The following TLL1 variants were observed in gnomAD, a reference collection of about 807,000 sequenced individuals.
TLL1 encodes tolloid like 1, also known as tolloid-like protein 1.
Under a neutral mutation model 128.2 loss-of-function variants are expected in TLL1, and 49 were observed. That is an observed-to-expected ratio of 0.38 (90% confidence interval 0.30 to 0.48). TLL1 has a LOEUF of 0.48. Among genes scored for constraint, TLL1 ranks in the 20% least tolerant of loss-of-function variants. The probability of loss-of-function intolerance (pLI) is 0.96; values close to 1 mark genes in which losing one functional copy is unlikely to be tolerated. For missense variants in TLL1, 1,123 were observed against 1,242.0 expected (o/e 0.90, Z 1.44); for synonymous variants, 454 against 418.8 (o/e 1.08, Z -1.03).
At chr4:165,934,862 C>A (rs1035650421) in intron 1 of TLL1, among the ~76,000 whole-genome samples, 2 of 152,124 alleles carry the variant, frequency 1.3e-5, no homozygotes, top group African/African-American at 4.8e-5. Context: ...CACCTGTAAG[C>A]CAATCATAGA....
chr4:166,039,869 G>A (rs1267364857), intron 10 of TLL1, among the ~76,000 whole-genome samples: 2 of 152,140 alleles, frequency 1.3e-5, no homozygotes, highest in African/African-American at 4.8e-5. Context: ...TTAGGTACAT[G>A]TTTGGTAGCT....
chr4:165,881,530 C>G (rs553327671), intron 1 of TLL1, among the ~76,000 whole-genome samples: 1 of 152,178 alleles, frequency 6.6e-6, no homozygotes, highest in Non-Finnish European at 1.5e-5. Flanking sequence ...GTTGAGAATG[C>G]CTCTTGCTTT....
rs1733698403 is a variant in TLL1 at position 165,934,966 on chromosome 4, G to A, written c.170-54415G>A. 3.3e-5 allele frequency among the ~76,000 whole-genome samples: 5 copies of A among 152,054 alleles called. No individual in the cohort carries two copies. In the South Asian group the frequency reaches 1.0e-3, roughly 32 times the overall value. The stretch of plus-strand genomic sequence containing the variant: ...CTGCTGGGGAGAGTCAGTATTTTGG[G>A]GTTTGTTATTTTGTTACAGCGAATA... On this transcript the variant is annotated intron_variant, in intron 1 of 20. Transcript: ENST00000061240.
At chr4:165,884,482 A>T (rs1156294166) in intron 1 of TLL1, among the ~76,000 whole-genome samples, 2 of 152,184 alleles carry the variant, frequency 1.3e-5, no homozygotes, top group African/African-American at 4.8e-5. Context: ...GCTTATGCAG[A>T]TATTTGGAAG....
Position 166,091,094 on chromosome 4 carries a change from T to G in TLL1, c.2443-34T>G, listed in dbSNP as rs775532454. On this transcript the variant is annotated intron_variant, in intron 18 of 20. Transcript: ENST00000061240. Reference sequence around the variant, plus strand: ...TATCTCATTTTGAGTGATTTGTTTTTTTTTAAAAAAATTATTTCTTCTTTT... The same window carrying G: ...TATCTCATTTTGAGTGATTTGTTTTGTTTTAAAAAAATTATTTCTTCTTTT... 1.0e-5 allele frequency: 16 copies of G among 1,574,260 alleles called. No individual in the cohort carries two copies. In the South Asian group the frequency reaches 1.4e-4, roughly 14 times the overall value.
chr4:165,990,238 G>A (rs925235122), intron 2 of TLL1, among the ~76,000 whole-genome samples: 1 of 151,776 alleles, frequency 6.6e-6, no homozygotes, highest in East Asian at 1.9e-4. Context: ...GGAGAAAATT[G>A]CAAGGTTAGA....
At chr4:166,076,037 G>A (rs1414576018) in intron 17 of TLL1, among the ~76,000 whole-genome samples, 33 of 152,078 alleles carry the variant, frequency 2.2e-4, no homozygotes, top group East Asian at 1.9e-4. Context: ...AATAGATTAG[G>A]AAATAGGCCC....
At chr4:166,049,643 T>A (rs1739621097) in intron 12 of TLL1, among the ~76,000 whole-genome samples, 1 of 151,382 alleles carries the variant, frequency 6.6e-6, no homozygotes, top group South Asian at 2.1e-4. Flanking sequence ...CTGTAATTAT[T>A]CATGTGTTGT....
chr4:166,039,774 T>TA (rs909543234), intron 10 of TLL1, among the ~76,000 whole-genome samples: 8 of 151,994 alleles, frequency 5.3e-5, no homozygotes, highest in East Asian at 1.9e-4. Context: ...AGTTTTTGAT[T>TA]AAAAAAAACT....
intron 1 of TLL1, among the ~76,000 whole-genome samples, chr4:165,978,119 G>T (rs560271523): frequency 6.6e-6 from 1 of 151,978 alleles, no homozygotes; most frequent in African/African-American, 2.4e-5. Context: ...AAGCCTTATT[G>T]CTTTCTGGTA....
intron 8 of TLL1, among the ~76,000 whole-genome samples, chr4:166,015,419 T>A (rs1737890821): frequency 6.6e-6 from 1 of 152,052 alleles, no homozygotes; most frequent in Non-Finnish European, 1.5e-5. Context: ...TGATAATGTT[T>A]GCAGAAAATC....
In TLL1 at chr4:166,082,164, A is replaced by G. The variant is rs151093398; in HGVS notation, c.2442+4134A>G. Among the ~76,000 whole-genome samples, 1,508 of 152,266 alleles carry G rather than the reference A, an allele frequency of 9.9e-3. 18 individuals carry two copies. The highest frequency in any genetic ancestry group is 0.054 in the Middle Eastern group (16 of 294). ...AAGCCAGGTTTTTTCAAATGCTAGCATGTGTCAGAATTACCTGGAAGGCTT... is the reference window on the plus strand; with the variant it reads ...AAGCCAGGTTTTTTCAAATGCTAGCGTGTGTCAGAATTACCTGGAAGGCTT... On this transcript the variant is annotated intron_variant, in intron 18 of 20. Coordinates refer to ENST00000061240, the MANE Select transcript of TLL1 (RefSeq NM_012464.5).
At chr4:166,093,215 A>G (rs546239555) in intron 19 of TLL1, among the ~76,000 whole-genome samples, 2 of 152,238 alleles carry the variant, frequency 1.3e-5, no homozygotes, top group Non-Finnish European at 2.9e-5. Context: ...CTGCACTGGC[A>G]CTGGTCTCTG....
At chr4:165,978,045 T>C (rs1168669633) in intron 1 of TLL1, among the ~76,000 whole-genome samples, 1 of 152,172 alleles carries the variant, frequency 6.6e-6, no homozygotes, top group Non-Finnish European at 1.5e-5. Context: ...GTTATCCTAA[T>C]TTAGGCCAGC....
At chr4:165,890,966 A>T (rs1428558153) in intron 1 of TLL1, among the ~76,000 whole-genome samples, 5 of 152,130 alleles carry the variant, frequency 3.3e-5, no homozygotes, top group African/African-American at 9.7e-5. Flanking sequence ...CATCTCTGAA[A>T]TCTAGGCAGA....
In TLL1 at chr4:165,931,490, G is replaced by A. The variant is rs553390932; in HGVS notation, c.169+57417G>A. On this transcript the variant is annotated intron_variant, in intron 1 of 20. Coordinates refer to ENST00000061240, the MANE Select transcript of TLL1 (RefSeq NM_012464.5). ...TCCCAGCACTTTGGGAGGCCAAGGC[G>A]GGCGGATCACGAGGTCAGGAGATTG... Among the ~76,000 whole-genome samples, 15 of 151,872 alleles carry A rather than the reference G, an allele frequency of 9.9e-5. 1 individual carries two copies. The highest frequency in any genetic ancestry group is 7.2e-4 in the Admixed American group (11 of 15,250).
intron 18 of TLL1, among the ~76,000 whole-genome samples, chr4:166,088,052 T>C (rs76155353): frequency 5.9e-5 from 9 of 152,118 alleles, no homozygotes; most frequent in South Asian, 2.1e-4. Flanking sequence ...CAAATACTTA[T>C]AAAGTCTTAA....
At chr4:166,093,747 C>T (rs956551076) in intron 19 of TLL1, among the ~76,000 whole-genome samples, 13 of 152,152 alleles carry the variant, frequency 8.5e-5, no homozygotes, top group African/African-American at 2.9e-4. Flanking sequence ...CTTTCCAAGG[C>T]AGAGGTCCCT....
At chr4:166,023,165 G>A (rs1196981367) in intron 8 of TLL1, among the ~76,000 whole-genome samples, 4 of 152,112 alleles carry the variant, frequency 2.6e-5, no homozygotes, top group Non-Finnish European at 5.9e-5. Context: ...TTGGGAGGCC[G>A]AGGCAGGTGG....
Sources: gnomAD v4.1 joint callset for allele counts (sites outside exome capture counted in the v4.1 genomes callset) on GRCh38, gnomAD v4.1.1 for gene constraint, MANE v1.5 for transcripts, NCBI Gene and HGNC (gene_info 2026-07-23, HGNC 2026-07-21) for gene names.